The following KCND2 variants were observed in gnomAD, a reference collection of about 807,000 sequenced individuals.
The protein encoded by KCND2 is A-type voltage-gated potassium channel KCND2.
In KCND2, 16 loss-of-function variants were observed where a neutral mutation model predicts 54.4. The observed-to-expected ratio is 0.29, with a 90% confidence interval of 0.20 to 0.45. The LOEUF (loss-of-function observed/expected upper bound fraction) is 0.45, where lower values mean the gene tolerates loss of function less well. Ranked by LOEUF, KCND2 falls within the 20% of genes least tolerant of loss-of-function variation. The pLI, the probability that KCND2 is intolerant of heterozygous loss-of-function variation, is 1.00. For missense variants in KCND2, 486 were observed against 824.2 expected (o/e 0.59, Z 5.02); for synonymous variants, 317 against 310.7 (o/e 1.02, Z -0.21).
intron 1 of KCND2, among the ~76,000 whole-genome samples, chr7:120,676,353 A>G (rs1792060527): frequency 6.6e-6 from 1 of 151,926 alleles, no homozygotes; most frequent in Non-Finnish European, 1.5e-5. Context: ...CCCATTTTGG[A>G]TGGATTTTAC....
At chr7:120,626,478 G>A (rs561040954) in intron 1 of KCND2, among the ~76,000 whole-genome samples, 1 of 152,266 alleles carries the variant, frequency 6.6e-6, no homozygotes, top group African/African-American at 2.4e-5. Context: ...AATGATTCCT[G>A]AGATTAATGA....
intron 1 of KCND2, among the ~76,000 whole-genome samples, chr7:120,342,275 C>T (rs1800251025): frequency 6.6e-6 from 1 of 152,216 alleles, no homozygotes; most frequent in South Asian, 2.1e-4. Flanking sequence ...ATAAATAACT[C>T]TCAGAGTTGT....
At chr7:120,621,389 T>C (rs1194012525) in intron 1 of KCND2, among the ~76,000 whole-genome samples, 3 of 151,822 alleles carry the variant, frequency 2.0e-5, no homozygotes, top group African/African-American at 7.3e-5. Context: ...CTGTGCTTCT[T>C]TAAACACATT....
chr7:120,729,890 A>G (rs1792783645), intron 1 of KCND2, among the ~76,000 whole-genome samples: 1 of 152,088 alleles, frequency 6.6e-6, no homozygotes, highest in African/African-American at 2.4e-5. Flanking sequence ...AACCTCTTTT[A>G]CCTTATGAAT....
At chr7:120,547,335 C>G (rs1483673415) in intron 1 of KCND2, among the ~76,000 whole-genome samples, 1 of 151,954 alleles carries the variant, frequency 6.6e-6, no homozygotes, top group Non-Finnish European at 1.5e-5. Flanking sequence ...CCATTCTACT[C>G]TAATGTTAAC....
intron 1 of KCND2, among the ~76,000 whole-genome samples, chr7:120,446,064 T>C (rs1267502785): frequency 2.0e-5 from 3 of 152,166 alleles, no homozygotes; most frequent in Non-Finnish European, 4.4e-5. Context: ...TTCCAATTTA[T>C]TCATATATCA....
intron 1 of KCND2, among the ~76,000 whole-genome samples, chr7:120,307,618 T>A (rs1238034004): frequency 2.0e-5 from 3 of 152,220 alleles, no homozygotes; most frequent in Admixed American, 2.0e-4. Context: ...GTAAAGTGTT[T>A]AGATGTGCCT....
At chr7:120,381,944 A>G (rs965622664) in intron 1 of KCND2, among the ~76,000 whole-genome samples, 2 of 150,786 alleles carry the variant, frequency 1.3e-5, no homozygotes, top group Non-Finnish European at 3.0e-5. Flanking sequence ...CAAAAGTCAA[A>G]TCCGTCATTT....
At chr7:120,354,617 A>G (rs908109493) in intron 1 of KCND2, among the ~76,000 whole-genome samples, 7 of 152,172 alleles carry the variant, frequency 4.6e-5, no homozygotes, top group Non-Finnish European at 1.0e-4. Flanking sequence ...ACATGGTGGC[A>G]TGGGCCTGTG....
At chr7:120,400,462 A>T (rs1036748351) in intron 1 of KCND2, among the ~76,000 whole-genome samples, 36 of 152,282 alleles carry the variant, frequency 2.4e-4, no homozygotes, top group Admixed American at 8.5e-4. Flanking sequence ...GTATCTATTG[A>T]TTGTCTGTCT....
intron 1 of KCND2, among the ~76,000 whole-genome samples, chr7:120,557,116 G>A (rs1223585283): frequency 6.6e-6 from 1 of 152,028 alleles, no homozygotes; most frequent in Non-Finnish European, 1.5e-5. Context: ...AACATTTTGT[G>A]TGTTACTTAG....
rs568195100 is a variant in KCND2 at position 120,721,255 on chromosome 7, A to G, written c.1116-11648A>G. Among the ~76,000 whole-genome samples, 80 of 152,264 alleles carry G rather than the reference A, an allele frequency of 5.3e-4. No homozygotes were observed. The South Asian group carries it at 0.016, about 30-fold the overall frequency. Reference sequence around the variant, plus strand: ...TACAGAATTCTGACCAAGTAGAACTATAGAGGTAGAGTCATGAATTTTTTA... The same window carrying G: ...TACAGAATTCTGACCAAGTAGAACTGTAGAGGTAGAGTCATGAATTTTTTA... On this transcript the variant is annotated intron_variant, in intron 1 of 5. Transcript: ENST00000331113.
intron 1 of KCND2, among the ~76,000 whole-genome samples, chr7:120,362,422 A>C (rs1392453948): frequency 6.6e-6 from 1 of 152,096 alleles, no homozygotes; most frequent in Non-Finnish European, 1.5e-5. Flanking sequence ...CTAATTAGGA[A>C]AGGAAGGAAA....
chr7:120,378,385 A>G (rs1800865900), intron 1 of KCND2, among the ~76,000 whole-genome samples: 1 of 151,936 alleles, frequency 6.6e-6, no homozygotes, highest in Non-Finnish European at 1.5e-5. Flanking sequence ...AGGAATCACA[A>G]AGTTTATAGA....
At chr7:120,672,510 A>C (rs1362942745) in intron 1 of KCND2, among the ~76,000 whole-genome samples, 3 of 152,202 alleles carry the variant, frequency 2.0e-5, no homozygotes, top group Admixed American at 6.5e-5. Flanking sequence ...GCCCCTCTGA[A>C]GTAGATAGCT....
chr7:120,695,769 T>A (rs1268967934), intron 1 of KCND2, among the ~76,000 whole-genome samples: 1 of 152,228 alleles, frequency 6.6e-6, no homozygotes, highest in Non-Finnish European at 1.5e-5. Context: ...GATTTATTTA[T>A]TTTTTACTAA....
At chr7:120,428,067 C>T (rs774679229) in intron 1 of KCND2, among the ~76,000 whole-genome samples, 5 of 152,092 alleles carry the variant, frequency 3.3e-5, no homozygotes, top group Non-Finnish European at 5.9e-5. Context: ...ATTATCAGAA[C>T]TATAATTTTA....
intron 1 of KCND2, among the ~76,000 whole-genome samples, chr7:120,304,645 ACT>A (rs961252696): frequency 2.0e-5 from 3 of 151,428 alleles, no homozygotes; most frequent in South Asian, 4.2e-4. Context: ...CAAATTAGCA[ACT>A]CTCTCTCTTT....
chr7:120,667,092 A>G (rs1265284204), intron 1 of KCND2, among the ~76,000 whole-genome samples: 1 of 152,006 alleles, frequency 6.6e-6, no homozygotes, highest in Non-Finnish European at 1.5e-5. Context: ...TCAATCAACA[A>G]TCACTTCTTG....
Sources: allele counts gnomAD v4.1 joint callset (sites outside exome capture counted in the v4.1 genomes callset), GRCh38; gene constraint gnomAD v4.1.1; transcripts MANE v1.5; gene names NCBI Gene and HGNC (gene_info 2026-07-23, HGNC 2026-07-21).